CAMKMT: variants seen among roughly 807,000 people sequenced by gnomAD.
CAMKMT encodes the protein CaM KMT.
In CAMKMT, 53 loss-of-function variants were observed where a neutral mutation model predicts 48.0. That is an observed-to-expected ratio of 1.10 (90% CI 0.89 to 1.39). The LOEUF (loss-of-function observed/expected upper bound fraction) is 1.39. CAMKMT is among the 40% of genes most tolerant of loss of function. CAMKMT has a pLI of 0.00. For synonymous variants in CAMKMT, 165 were observed against 152.3 expected, an observed-to-expected ratio of 1.08 and a Z score of -0.61; for missense variants, 428 against 402.7, an observed-to-expected ratio of 1.06 and a Z score of -0.54.
chr2:44,404,889 G>A (rs899926789), intron 3 of CAMKMT, among the ~76,000 whole-genome samples: 1 of 152,012 alleles, frequency 6.6e-6, no homozygotes, highest in Non-Finnish European at 1.5e-5. Flanking sequence ...AAGATGTTAT[G>A]TATAATATTA....
intron 3 of CAMKMT, among the ~76,000 whole-genome samples, chr2:44,572,007 A>G (rs1256336368): frequency 6.6e-6 from 1 of 152,166 alleles, no homozygotes; most frequent in Admixed American, 6.5e-5. Context: ...AAACATATAT[A>G]ATCTTTTACG....
intron 3 of CAMKMT, among the ~76,000 whole-genome samples, chr2:44,590,689 C>A (rs990047663): frequency 3.3e-5 from 5 of 152,048 alleles, no homozygotes; most frequent in African/African-American, 1.2e-4. Context: ...AAAATTTTCT[C>A]CCATTTTATG....
intron 3 of CAMKMT, among the ~76,000 whole-genome samples, chr2:44,514,760 A>G (rs1228694196): frequency 2.0e-5 from 3 of 152,262 alleles, no homozygotes; most frequent in East Asian, 1.9e-4. Flanking sequence ...CTTTTGAAAG[A>G]TAAAATGCAA....
intron 3 of CAMKMT, among the ~76,000 whole-genome samples, chr2:44,484,321 T>A (rs1485838732): frequency 6.6e-6 from 1 of 151,998 alleles, no homozygotes; most frequent in Non-Finnish European, 1.5e-5. Context: ...CTACCAGATA[T>A]CAAGGCTTGT....
At chr2:44,695,099 G>A (rs1347244931) in intron 3 of CAMKMT, among the ~76,000 whole-genome samples, 1 of 152,178 alleles carries the variant, frequency 6.6e-6, no homozygotes, top group Non-Finnish European at 1.5e-5. Context: ...GCATTCTGCA[G>A]CACTTCATTG....
intron 3 of CAMKMT, among the ~76,000 whole-genome samples, chr2:44,465,295 A>T (rs1225227275): frequency 6.6e-6 from 1 of 152,094 alleles, no homozygotes; most frequent in Non-Finnish European, 1.5e-5. Flanking sequence ...AAAACACATC[A>T]CTAAAAAAAT....
chr2:44,708,331 TTACA>T (rs1013197145), intron 6 of CAMKMT, among the ~76,000 whole-genome samples: 2 of 149,910 alleles, frequency 1.3e-5, no homozygotes, highest in Admixed American at 6.7e-5. Flanking sequence ...CTGTGGCATC[TTACA>T]TACAATCTAT....
chr2:44,561,845 G>A (rs756003029), intron 3 of CAMKMT, among the ~76,000 whole-genome samples: 4 of 152,184 alleles, frequency 2.6e-5, no homozygotes, highest in Non-Finnish European at 5.9e-5. Context: ...AAGTGGAATT[G>A]TCTGTAAGAG....
chr2:44,755,446 C>T (rs1268878473), intron 9 of CAMKMT, among the ~76,000 whole-genome samples: 2 of 152,096 alleles, frequency 1.3e-5, no homozygotes, highest in Non-Finnish European at 2.9e-5. Flanking sequence ...GCTCAAGATT[C>T]TTGAATATGA....
At chr2:44,431,788 G>A (rs932475332) in intron 3 of CAMKMT, among the ~76,000 whole-genome samples, 2 of 152,128 alleles carry the variant, frequency 1.3e-5, no homozygotes, top group Non-Finnish European at 2.9e-5. Context: ...GGATGCCCCT[G>A]ATGAAAACCA....
Position 44,513,817 on chromosome 2 carries a change from C to A in CAMKMT, c.376+123512C>A, listed in dbSNP as rs142002837. Reference sequence around the variant, plus strand: ...AAGAGAAAAAATTACTAAGAAAATCCTGGCCAGGAATGGTGGCTCACACCT... The same window carrying A: ...AAGAGAAAAAATTACTAAGAAAATCATGGCCAGGAATGGTGGCTCACACCT... On this transcript the variant is annotated intron_variant, in intron 3 of 10. Coordinates refer to ENST00000378494, the MANE Select transcript of CAMKMT (RefSeq NM_024766.5). 1.1e-4 allele frequency among the ~76,000 whole-genome samples: 16 copies of A among 152,066 alleles called. No homozygotes were observed. The East Asian group carries it at 2.9e-3, about 28-fold the overall frequency.
chr2:44,489,164 C>T (rs1558652527), intron 3 of CAMKMT, among the ~76,000 whole-genome samples: 1 of 151,886 alleles, frequency 6.6e-6, no homozygotes, highest in Non-Finnish European at 1.5e-5. Context: ...CCCACCAACG[C>T]TGGACTTTTA....
At chr2:44,660,384 G>T (rs1674615459) in intron 3 of CAMKMT, among the ~76,000 whole-genome samples, 1 of 152,154 alleles carries the variant, frequency 6.6e-6, no homozygotes, top group Admixed American at 6.5e-5. Context: ...TCCAGGGTCT[G>T]GACTACACTT....
intron 3 of CAMKMT, among the ~76,000 whole-genome samples, chr2:44,591,112 T>C (rs1184566822): frequency 2.0e-5 from 3 of 150,940 alleles, no homozygotes; most frequent in African/African-American, 7.3e-5. Flanking sequence ...CATTGATCTA[T>C]ATCTCTGTTT....
chr2:44,513,948 A>G (rs1252501156), intron 3 of CAMKMT, among the ~76,000 whole-genome samples: 1 of 151,998 alleles, frequency 6.6e-6, no homozygotes, highest in Non-Finnish European at 1.5e-5. Flanking sequence ...AAAAAAATGT[A>G]AAACTTAGCC....
At chr2:44,427,374 C>T (rs1558604721) in intron 3 of CAMKMT, among the ~76,000 whole-genome samples, 2 of 152,076 alleles carry the variant, frequency 1.3e-5, no homozygotes, top group African/African-American at 4.8e-5. Context: ...AGACAACATA[C>T]AGAATGGGAG....
chr2:44,396,700 A>C (rs1400151722), intron 3 of CAMKMT, among the ~76,000 whole-genome samples: 1 of 151,708 alleles, frequency 6.6e-6, no homozygotes, highest in Admixed American at 6.6e-5. Context: ...TATCTTTCAT[A>C]ATTTTAAATA....
chr2:44,643,014 A>G (rs1673531375), intron 3 of CAMKMT, among the ~76,000 whole-genome samples: 1 of 152,164 alleles, frequency 6.6e-6, no homozygotes, highest in Non-Finnish European at 1.5e-5. Context: ...ACAGTAAAAT[A>G]GGGGAGGGGT....
intron 3 of CAMKMT, among the ~76,000 whole-genome samples, chr2:44,429,012 A>G (rs971266763): frequency 2.0e-5 from 3 of 152,190 alleles, no homozygotes; most frequent in African/African-American, 4.8e-5. Context: ...TAAGAAATAT[A>G]TTTGAAATAT....
Sources: allele counts gnomAD v4.1 joint callset (sites outside exome capture counted in the v4.1 genomes callset), GRCh38; gene constraint gnomAD v4.1.1; transcripts MANE v1.5; gene names NCBI Gene and HGNC (gene_info 2026-07-23, HGNC 2026-07-21).